Variants in MLLT3 observed in about 807,000 individuals in gnomAD.
MLLT3 encodes protein AF-9.
Under a neutral mutation model 53.2 loss-of-function variants are expected in MLLT3, and 4 were observed. The observed-to-expected ratio is 0.08, with a 90% CI of 0.04 to 0.17. The LOEUF is 0.17. Ranked by LOEUF, MLLT3 falls within the 10% of genes least tolerant of loss-of-function variation. MLLT3 has a pLI of 1.00. For synonymous variants in MLLT3, 283 were observed against 230.6 expected (o/e 1.23, Z -2.06); for missense variants, 569 against 684.0 (o/e 0.83, Z 1.87).
At chr9:20,533,705 A>C (rs1416212974) in intron 2 of MLLT3, among the ~76,000 whole-genome samples, 1 of 152,270 alleles carries the variant, frequency 6.6e-6, no homozygotes, top group Non-Finnish European at 1.5e-5. Context: ...AAGCAACAGA[A>C]TATTATTCAG....
chr9:20,380,421 T>G (rs899335899), intron 5 of MLLT3: 3 of 152,000 alleles, frequency 2.0e-5, no homozygotes, highest in African/African-American at 7.2e-5. Flanking sequence ...ACTCATTCAA[T>G]TTCAAATATC....
At chr9:20,388,422 A>G (rs1246146439) in intron 5 of MLLT3, among the ~76,000 whole-genome samples, 2 of 152,112 alleles carry the variant, frequency 1.3e-5, no homozygotes. Flanking sequence ...CCCCGTCTCT[A>G]CTAAAAATAC....
In MLLT3 at chr9:20,414,402, G is replaced by GCTGCTGCTGCT; in HGVS notation, c.443_444insAGCAGCAGCAG (p.Ser149AlafsTer55). On this transcript the variant is annotated frameshift_variant, in exon 5 of 11. Coordinates refer to ENST00000380338, the MANE Select transcript of MLLT3 (RefSeq NM_004529.4). LOFTEE classifies it high-confidence loss of function. ...TACTGCTGCTGCTGCTGCTGCTGCT[G>GCTGCTGCTGCT]GTATGAATACTCCTATTAGGGTCCT... 4 of 1,607,808 alleles carry GCTGCTGCTGCT rather than the reference G, an allele frequency of 2.5e-6. No individual in the cohort carries two copies. Among genetic ancestry groups the GCTGCTGCTGCT allele is most frequent in the Admixed American group, 1.7e-5 (1 of 59,888 alleles).
At chr9:20,501,780 A>C (rs1449862064) in intron 2 of MLLT3, among the ~76,000 whole-genome samples, 1 of 148,992 alleles carries the variant, frequency 6.7e-6, no homozygotes, top group Non-Finnish European at 1.5e-5. Flanking sequence ...AAAAAAAAAA[A>C]AAAAAACCGC....
intron 4 of MLLT3, among the ~76,000 whole-genome samples, chr9:20,432,693 G>C (rs963898279): frequency 1.1e-4 from 16 of 151,952 alleles, no homozygotes; most frequent in Admixed American, 1.0e-3. Context: ...AAGAACAACA[G>C]TTTAAAAGTG....
intron 9 of MLLT3, among the ~76,000 whole-genome samples, chr9:20,354,578 G>A (rs934768946): frequency 1.3e-5 from 2 of 152,168 alleles, no homozygotes; most frequent in Non-Finnish European, 2.9e-5. Flanking sequence ...CCTTGGCAAC[G>A]TAGGCATCAT....
intron 2 of MLLT3, among the ~76,000 whole-genome samples, chr9:20,522,182 G>A (rs1818079051): frequency 6.6e-6 from 1 of 150,504 alleles, no homozygotes; most frequent in Non-Finnish European, 1.5e-5. Context: ...TGTTTTTAAA[G>A]TACTACTGTA....
intron 5 of MLLT3, among the ~76,000 whole-genome samples, chr9:20,369,297 A>T (rs1821533490): frequency 6.6e-6 from 1 of 152,226 alleles, no homozygotes; most frequent in Non-Finnish European, 1.5e-5. Flanking sequence ...CACAAGAGAT[A>T]CTGGTGAAAA....
At chr9:20,490,949 T>C (rs933814586) in intron 2 of MLLT3, among the ~76,000 whole-genome samples, 4 of 152,144 alleles carry the variant, frequency 2.6e-5, no homozygotes, top group South Asian at 2.1e-4. Flanking sequence ...ATGGTTATAA[T>C]ATGAATTAAA....
At chr9:20,512,058 G>C (rs942233346) in intron 2 of MLLT3, among the ~76,000 whole-genome samples, 1 of 152,302 alleles carries the variant, frequency 6.6e-6, no homozygotes, top group East Asian at 1.9e-4. Flanking sequence ...AGCTGAAGAT[G>C]AGACACAGAC....
At chr9:20,372,202 C>G (rs764765359) in intron 5 of MLLT3, among the ~76,000 whole-genome samples, 25 of 152,070 alleles carry the variant, frequency 1.6e-4, no homozygotes, top group Non-Finnish European at 2.1e-4. Context: ...GGTGAAAATG[C>G]TAGGAACATT....
At chr9:20,527,222 G>C (rs1275785258) in intron 2 of MLLT3, among the ~76,000 whole-genome samples, 1 of 152,132 alleles carries the variant, frequency 6.6e-6, no homozygotes, top group Non-Finnish European at 1.5e-5. Context: ...GGGAAATCTG[G>C]AGGTGAACCA....
At chr9:20,486,975 C>T (rs1045764347) in intron 2 of MLLT3, among the ~76,000 whole-genome samples, 1 of 152,082 alleles carries the variant, frequency 6.6e-6, no homozygotes, top group Non-Finnish European at 1.5e-5. Flanking sequence ...ATCACCTTAA[C>T]TTCAGAAATG....
At chr9:20,546,853 A>C (rs1818801647) in intron 2 of MLLT3, among the ~76,000 whole-genome samples, 1 of 152,196 alleles carries the variant, frequency 6.6e-6, no homozygotes, top group Non-Finnish European at 1.5e-5. Context: ...AGACTGTTAG[A>C]GGAGGGTGCT....
At chr9:20,562,650 T>C (rs186135677) in intron 2 of MLLT3, among the ~76,000 whole-genome samples, 2 of 152,288 alleles carry the variant, frequency 1.3e-5, no homozygotes, top group East Asian at 3.9e-4. Flanking sequence ...ATTTCCCAGA[T>C]ACATGTGCAA....
intron 2 of MLLT3, among the ~76,000 whole-genome samples, chr9:20,490,311 A>G (rs1420617270): frequency 6.6e-6 from 1 of 152,270 alleles, no homozygotes; most frequent in Non-Finnish European, 1.5e-5. Context: ...ATGAGACTTT[A>G]AAAGTGAAGA....
chr9:20,350,574 G>A (rs542102975), intron 10 of MLLT3, among the ~76,000 whole-genome samples: 86 of 130,614 alleles, frequency 6.6e-4, no homozygotes, highest in African/African-American at 2.8e-3. Context: ...CAGCCTGGGC[G>A]ACAGAGCGAG....
intron 4 of MLLT3, among the ~76,000 whole-genome samples, chr9:20,414,766 T>G (rs1170560248): frequency 6.6e-6 from 1 of 152,130 alleles, no homozygotes; most frequent in Non-Finnish European, 1.5e-5. Flanking sequence ...CCTTAATAAC[T>G]ATGACGTATC....
At chr9:20,461,186 T>A (rs561104634) in intron 2 of MLLT3, among the ~76,000 whole-genome samples, 6 of 152,320 alleles carry the variant, frequency 3.9e-5, no homozygotes, top group African/African-American at 1.4e-4. Context: ...AAAGTTTTTG[T>A]TTGTTTAAAA....
Sources: gnomAD v4.1 joint callset for allele counts (sites outside exome capture counted in the v4.1 genomes callset) on GRCh38, gnomAD v4.1.1 for gene constraint, MANE v1.5 for transcripts, NCBI Gene and HGNC (gene_info 2026-07-23, HGNC 2026-07-21) for gene names.